The following SLC41A2 variants were observed in gnomAD, a reference collection of about 807,000 sequenced individuals.
The protein encoded by SLC41A2 is solute carrier family 41 member 2, also known as SLC41A1-like 1.
A neutral mutation model predicts 58.3 loss-of-function variants in SLC41A2; 32 were observed. The observed-to-expected ratio is 0.55, with a 90% CI of 0.41 to 0.74. The LOEUF is 0.74. Ranked by LOEUF, SLC41A2 falls within the 30% of genes least tolerant of loss-of-function variation. The pLI, the probability that SLC41A2 is intolerant of heterozygous loss-of-function variation, is 0.00. For synonymous variants in SLC41A2, 190 were observed against 235.0 expected, an observed-to-expected ratio of 0.81 and a Z score of 1.75; for missense variants, 514 against 680.6, an observed-to-expected ratio of 0.76 and a Z score of 2.72.
intron 3 of SLC41A2, among the ~76,000 whole-genome samples, chr12:104,897,766 T>C (rs1593097971): frequency 6.6e-6 from 1 of 152,206 alleles, no homozygotes; most frequent in South Asian, 2.1e-4. Context: ...AGGGAAAATA[T>C]GTATAGTATA....
rs537277458 is a variant in SLC41A2 at position 104,804,998 on chromosome 12, TA to T, written c.*153del. On this transcript the variant is annotated 3_prime_UTR_variant, in exon 11 of 11. Transcript: ENST00000258538. ...CATTCTGGTTTTGACACAAATTCCT[TA>T]AAAAAAAATTAAGGCCATTTAATTG... 265 of 579,498 alleles carry T rather than the reference TA, an allele frequency of 4.6e-4. No homozygotes were observed. Among genetic ancestry groups the T allele is most frequent in the Middle Eastern group, 1.5e-3 (3 of 1,962 alleles). 35.9% of individuals were successfully genotyped at this position (579,498 alleles called of 1,614,324 possible). A position where few individuals can be genotyped will look rare whatever the true frequency, so the allele number is the denominator to read the frequency against.
chr12:104,827,214 A>G (rs933634966), intron 10 of SLC41A2, among the ~76,000 whole-genome samples: 13 of 152,306 alleles, frequency 8.5e-5, no homozygotes, highest in African/African-American at 1.7e-4. Context: ...CAAAGGATAA[A>G]TTTATTATTC....
At chr12:104,849,842 G>GTAAA (rs1038926667) in intron 8 of SLC41A2, among the ~76,000 whole-genome samples, 1 of 152,012 alleles carries the variant, frequency 6.6e-6, no homozygotes, top group East Asian at 1.9e-4. Context: ...AAGTAAGTAA[G>GTAAA]TAAATAAATA....
At chr12:104,838,333 G>A (rs1003399324) in intron 10 of SLC41A2, among the ~76,000 whole-genome samples, 2 of 152,276 alleles carry the variant, frequency 1.3e-5, no homozygotes, top group Middle Eastern at 3.4e-3. Context: ...ATACTTATTA[G>A]GAAGTTTATT....
intron 10 of SLC41A2, among the ~76,000 whole-genome samples, chr12:104,819,716 T>C (rs2041551108): frequency 6.6e-6 from 1 of 152,232 alleles, no homozygotes; most frequent in African/African-American, 2.4e-5. Flanking sequence ...CCTAGAGCTA[T>C]AATTCTCAGA....
intron 10 of SLC41A2, among the ~76,000 whole-genome samples, chr12:104,823,757 A>C (rs539660740): frequency 4.6e-5 from 7 of 152,306 alleles, no homozygotes; most frequent in African/African-American, 1.7e-4. Flanking sequence ...AAAACTGATA[A>C]ACTGAACTTC....
rs183437271 is a variant in SLC41A2 at position 104,956,604 on chromosome 12, C to G, written c.-168+1484G>C. On this transcript the variant is annotated intron_variant, in intron 1 of 10. Coordinates refer to ENST00000258538, the MANE Select transcript of SLC41A2 (RefSeq NM_001352171.3). The stretch of plus-strand genomic sequence containing the variant: ...TGAGGCAGGAGAATCGCTTGAACCC[C>G]GGAGGTGGAGGTTGCAGTGAGCCAA... Among the ~76,000 whole-genome samples the G allele has an allele frequency of 4.3e-4, 66 of 152,034 alleles. No individual in the cohort carries two copies. The East Asian group carries it at 9.1e-3, about 21-fold the overall frequency.
chr12:104,942,476 C>CAAAA (rs34008453), intron 1 of SLC41A2, among the ~76,000 whole-genome samples: 4 of 131,506 alleles, frequency 3.0e-5, no homozygotes, highest in South Asian at 2.4e-4. Context: ...AGATCTTGTC[C>CAAAA]AAAAAAAAAA....
intron 3 of SLC41A2, among the ~76,000 whole-genome samples, chr12:104,901,947 C>T (rs4553438): frequency 0.069 from 10,438 of 152,040 alleles, 483 homozygotes; most frequent in East Asian, 0.26. Context: ...TAATCTTATA[C>T]GCTCATTTAT....
At chr12:104,879,588 C>CA (rs778481758) in intron 6 of SLC41A2, among the ~76,000 whole-genome samples, 5 of 152,232 alleles carry the variant, frequency 3.3e-5, no homozygotes, top group Non-Finnish European at 7.4e-5. Context: ...TCAGGTTTGT[C>CA]AAAGATCAGA....
chr12:104,823,465 A>G (rs2041721066), intron 10 of SLC41A2, among the ~76,000 whole-genome samples: 1 of 152,008 alleles, frequency 6.6e-6, no homozygotes, highest in Non-Finnish European at 1.5e-5. Flanking sequence ...CTAGAAATAG[A>G]CCTGCATATA....
In SLC41A2 at chr12:104,933,396, T is replaced by C. The variant is rs146968959; in HGVS notation, c.-167-4702A>G. Among the ~76,000 whole-genome samples, 108 of 152,282 alleles carry C rather than the reference T, an allele frequency of 7.1e-4. 1 individual carries two copies. The highest frequency in any genetic ancestry group is 2.5e-3 in the African/African-American group (104 of 41,562). On this transcript the variant is annotated intron_variant, in intron 1 of 10. Coordinates refer to ENST00000258538, the MANE Select transcript of SLC41A2 (RefSeq NM_001352171.3). ...AATAAACAATAGATGTTATCATGGA[T>C]GTGGTGAAAAGAGAATGTTTATATA...
Position 104,803,342 on chromosome 12 carries a change from A to G in SLC41A2, c.*1810T>C, listed in dbSNP as rs1419478672. 1 of 152,178 alleles carries G rather than the reference A, an allele frequency of 6.6e-6. No individual in the cohort carries two copies. The highest frequency in any genetic ancestry group is 1.5e-5 in the Non-Finnish European group (1 of 68,016). The allele number at this position is 152,178 out of a possible 1,614,324, so 9.4% of individuals were successfully genotyped here. On this transcript the variant is annotated 3_prime_UTR_variant, in exon 11 of 11. Coordinates refer to ENST00000258538, the MANE Select transcript of SLC41A2 (RefSeq NM_001352171.3). ...ATAAGAATGTTCACTATGTAACATT[A>G]TAACTCTCCAAAGGAGAAATTCTAT... is the stretch of plus-strand genomic sequence containing the variant.
intron 1 of SLC41A2, among the ~76,000 whole-genome samples, chr12:104,954,177 C>A (rs924078068): frequency 2.2e-4 from 33 of 152,304 alleles, no homozygotes; most frequent in African/African-American, 7.2e-4. Flanking sequence ...ATAATACTTA[C>A]ATCTACTATC....
intron 1 of SLC41A2, among the ~76,000 whole-genome samples, chr12:104,930,551 T>C (rs557665420): frequency 6.6e-6 from 1 of 152,240 alleles, no homozygotes; most frequent in South Asian, 2.1e-4. Context: ...CCCAAAGAGA[T>C]TGAGCTATAA....
At chr12:104,815,155 AT>A (rs1472361858) in intron 10 of SLC41A2, among the ~76,000 whole-genome samples, 1 of 152,230 alleles carries the variant, frequency 6.6e-6, no homozygotes, top group African/African-American at 2.4e-5. Context: ...AGCAAAAGAT[AT>A]CTGTTTCCTT....
chr12:104,938,189 A>C (rs2047359113), intron 1 of SLC41A2, among the ~76,000 whole-genome samples: 1 of 152,264 alleles, frequency 6.6e-6, no homozygotes, highest in Non-Finnish European at 1.5e-5. Context: ...AGGATATGAC[A>C]AACACACATT....
intron 1 of SLC41A2, among the ~76,000 whole-genome samples, chr12:104,934,765 T>C (rs774952680): frequency 2.0e-5 from 3 of 152,144 alleles, no homozygotes; most frequent in African/African-American, 2.4e-5. Flanking sequence ...ATTACGCTAA[T>C]TGAAATAAGC....
intron 5 of SLC41A2, among the ~76,000 whole-genome samples, chr12:104,886,997 G>T (rs112244787): frequency 3.9e-5 from 6 of 152,026 alleles, no homozygotes; most frequent in Non-Finnish European, 8.8e-5. Flanking sequence ...CTTTGTAAAA[G>T]ATATTCTTTA....
Sources: gnomAD v4.1 joint callset for allele counts (sites outside exome capture counted in the v4.1 genomes callset) on GRCh38, gnomAD v4.1.1 for gene constraint, MANE v1.5 for transcripts, NCBI Gene and HGNC (gene_info 2026-07-23, HGNC 2026-07-21) for gene names.